Variants in TENM4 observed in about 807,000 individuals in gnomAD.
TENM4 encodes the protein teneurin-4.
A neutral mutation model predicts 243.3 loss-of-function variants in TENM4; 82 were observed. The observed-to-expected ratio is 0.34, with a 90% CI of 0.28 to 0.40. The LOEUF (loss-of-function observed/expected upper bound fraction) is 0.40. TENM4 is among the 10% of genes least tolerant of loss of function. The probability of loss-of-function intolerance (pLI) is 1.00; values close to 1 mark genes in which losing one functional copy is unlikely to be tolerated. For synonymous variants in TENM4, 1,412 were observed against 1,456.3 expected, an observed-to-expected ratio of 0.97 and a Z score of 0.69; for missense variants, 3,138 against 3,673.3, an observed-to-expected ratio of 0.85 and a Z score of 3.77.
chr11:78,801,370 C>T (rs1406625314), intron 15 of TENM4, among the ~76,000 whole-genome samples: 1 of 152,158 alleles, frequency 6.6e-6, no homozygotes, highest in Non-Finnish European at 1.5e-5. Context: ...TCTTCTGGGG[C>T]ATAAGAATCT....
intron 20 of TENM4, 109 bp downstream of exon 20, chr11:78,738,342 C>T: frequency 7.0e-7 from 1 of 1,433,580 alleles, no homozygotes; most frequent in Non-Finnish European, 9.3e-7. Context: ...TTCAGGCCCT[C>T]TGAATCCAAG....
chr11:79,323,331 A>G (rs754554632), intron 1 of TENM4, among the ~76,000 whole-genome samples: 2 of 152,204 alleles, frequency 1.3e-5, no homozygotes, highest in Non-Finnish European at 2.9e-5. Context: ...CCAAACTTCT[A>G]ATAATCTACC....
chr11:78,899,140 CA>C (rs1855868663), intron 7 of TENM4, among the ~76,000 whole-genome samples: 2 of 152,046 alleles, frequency 1.3e-5, no homozygotes. Context: ...ATTTTCAGGC[CA>C]AGCCTTAAAA....
At chr11:79,190,360 A>T (rs1863455976) in intron 3 of TENM4, among the ~76,000 whole-genome samples, 1 of 152,210 alleles carries the variant, frequency 6.6e-6, no homozygotes, top group African/African-American at 2.4e-5. Flanking sequence ...CTTAAGTGAG[A>T]TCACACGTGT....
At chr11:79,348,434 G>T (rs1402024622) in intron 1 of TENM4, among the ~76,000 whole-genome samples, 1 of 152,156 alleles carries the variant, frequency 6.6e-6, no homozygotes, top group Non-Finnish European at 1.5e-5. Flanking sequence ...TCCAGCTACT[G>T]ATCACAGTTA....
At chr11:79,200,293 G>A (rs1352069314) in intron 3 of TENM4, among the ~76,000 whole-genome samples, 2 of 152,214 alleles carry the variant, frequency 1.3e-5, no homozygotes, top group African/African-American at 4.8e-5. Context: ...GCAGCAGTCC[G>A]ATGCTGGGCA....
chr11:78,964,506 C>T (rs956802091), intron 6 of TENM4, among the ~76,000 whole-genome samples: 2 of 152,134 alleles, frequency 1.3e-5, no homozygotes, highest in Non-Finnish European at 2.9e-5. Flanking sequence ...GTGGCTTCTT[C>T]CTCTGTGTTT....
chr11:78,862,973 C>T lies in TENM4; in HGVS notation c.1244G>A (p.Gly415Glu), dbSNP rs975229976. The T allele has an allele frequency of 1.4e-6, 2 of 1,468,332 alleles. No individual in the cohort carries two copies. The highest frequency in any genetic ancestry group is 1.8e-6 in the Non-Finnish European group (2 of 1,090,654). 91.0% of individuals were successfully genotyped at this position (1,468,332 alleles called of 1,614,324 possible). ...CGCAGCAACCCTACCTTCTGTGGTT[C>T]CTTTGCCTTTCCTGTCAGGGGTCTC... The part of the protein sequence containing the change: ...GLETPDRKGK[G>E]TTEGKPSSFF... Residue 415 changes from glycine (G) to glutamate (E), a missense_variant, in exon 10 of 34, where the codon GGA becomes GAA. Gly to Glu is a moderately conservative substitution (Grantham distance 98, BLOSUM62 -2). Around this residue, in one of 2 missense-constraint regions of TENM4, gnomAD observed 671 missense variants for 614.1 expected, o/e 1.09. Coordinates refer to ENST00000278550, the MANE Select transcript of TENM4 (RefSeq NM_001098816.3).
intron 10 of TENM4, among the ~76,000 whole-genome samples, chr11:78,859,520 T>C (rs1379522893): frequency 6.6e-6 from 1 of 152,210 alleles, no homozygotes; most frequent in African/African-American, 2.4e-5. Context: ...CTAAAATGGA[T>C]AGCTCAGTCA....
At chr11:79,315,542 T>C (rs1256293872) in intron 1 of TENM4, among the ~76,000 whole-genome samples, 1 of 152,214 alleles carries the variant, frequency 6.6e-6, no homozygotes, top group Non-Finnish European at 1.5e-5. Context: ...TGAACAATCC[T>C]TGTGCTGGAG....
At chr11:78,799,600 AGC>A (rs1857238612) in intron 15 of TENM4, among the ~76,000 whole-genome samples, 1 of 152,262 alleles carries the variant, frequency 6.6e-6, no homozygotes. Context: ...AGGTGTCATT[AGC>A]CATAGTCTAT....
At position 79,081,884 on chromosome 11, in the gene TENM4, G is replaced by A. The variant is rs75977474; in HGVS notation, c.-65-11875C>T. 1.8e-4 allele frequency among the ~76,000 whole-genome samples: 28 copies of A among 152,200 alleles called. No homozygotes were observed. The East Asian group carries it at 4.5e-3, about 24-fold the overall frequency. On this transcript the variant is annotated intron_variant, in intron 4 of 33. Transcript: ENST00000278550. The stretch of plus-strand genomic sequence containing the variant: ...TGATGACTGAAGCCCACACAATAGC[G>A]GTTTGAAAGTGACCTCGGAACAGTC...
At position 79,323,394 on chromosome 11, in the gene TENM4, T is replaced by C. The variant is rs1296694347; in HGVS notation, c.-320-25851A>G. ...AGGACTGAACACTTGCTCAGAAACG[T>C]TGACCCACTCTCTAGCTACATATCT... On this transcript the variant is annotated intron_variant, in intron 1 of 33. Coordinates refer to ENST00000278550, the MANE Select transcript of TENM4 (RefSeq NM_001098816.3). Among the ~76,000 whole-genome samples, 5 of 152,222 alleles carry C rather than the reference T, an allele frequency of 3.3e-5. No homozygotes were observed. The South Asian group carries it at 8.3e-4, about 25-fold the overall frequency.
intron 14 of TENM4, among the ~76,000 whole-genome samples, chr11:78,806,287 G>C (rs1238183053): frequency 6.6e-6 from 1 of 152,110 alleles, no homozygotes; most frequent in African/African-American, 2.4e-5. Flanking sequence ...CAGTGAGCAA[G>C]ACTCTGTCTC....
At chr11:79,333,897 G>T (rs1857104229) in intron 1 of TENM4, among the ~76,000 whole-genome samples, 1 of 152,182 alleles carries the variant, frequency 6.6e-6, no homozygotes, top group Non-Finnish European at 1.5e-5. Flanking sequence ...TGGCTCTAGA[G>T]CCTGTTTTTT....
intron 9 of TENM4, among the ~76,000 whole-genome samples, chr11:78,881,379 T>C (rs544293381): frequency 6.6e-6 from 1 of 152,150 alleles, no homozygotes; most frequent in Non-Finnish European, 1.5e-5. Context: ...AGGAGGAGGT[T>C]GTCAGGGTGG....
intron 6 of TENM4, among the ~76,000 whole-genome samples, chr11:78,952,890 T>C (rs74743343): frequency 0.011 from 1,617 of 152,194 alleles, 22 homozygotes; most frequent in African/African-American, 0.036. Context: ...GAAAGGAGCT[T>C]GGTTCACATC....
chr11:78,996,592 G>A (rs900258093), intron 6 of TENM4, among the ~76,000 whole-genome samples: 4 of 152,166 alleles, frequency 2.6e-5, no homozygotes, highest in African/African-American at 9.7e-5. Context: ...ACCCAGAAGG[G>A]ATAGGAAGGT....
intron 2 of TENM4, among the ~76,000 whole-genome samples, chr11:79,282,737 C>A (rs891948618): frequency 2.6e-5 from 4 of 151,892 alleles, no homozygotes; most frequent in Non-Finnish European, 5.9e-5. Flanking sequence ...AGAGGCCAAT[C>A]TCTTATCTGT....
Sources: gnomAD v4.1 joint callset for allele counts (sites outside exome capture counted in the v4.1 genomes callset) on GRCh38, gnomAD v4.1.1 for gene constraint, gnomAD v4.1.1 regional missense constraint, MANE v1.5 for transcripts, NCBI Gene and HGNC (gene_info 2026-07-23, HGNC 2026-07-21) for gene names.